Variants in PIEZO2 observed in about 807,000 individuals in gnomAD.
PIEZO2 encodes piezo-type mechanosensitive ion channel component 2.
PIEZO2 carries 172 observed loss-of-function variants against 337.3 expected under a neutral mutation model. The ratio of observed to expected loss-of-function variants is 0.51; its 90% CI spans 0.45 to 0.58. PIEZO2 has a LOEUF of 0.58. Ranked by LOEUF, PIEZO2 falls within the 20% of genes least tolerant of loss-of-function variation. PIEZO2 has a pLI of 0.00. For synonymous variants in PIEZO2, 1,251 were observed against 1,228.5 expected, an observed-to-expected ratio of 1.02 and a Z score of -0.38; for missense variants, 3,028 against 3,391.3, an observed-to-expected ratio of 0.89 and a Z score of 2.66.
In PIEZO2 at chr18:10,862,632, T is replaced by C. The variant is rs1472044999; in HGVS notation, c.493-5421A>G. On this transcript the variant is annotated intron_variant, in intron 5 of 55. Transcript: ENST00000674853. The surrounding 1 kb of genome is among the most constrained non-coding windows in gnomAD (Gnocchi z 4.4). ...CTCTAAAAATCCAACTGGGTTGGAA[T>C]AAATCCTAAGGATCACCTGGGGACC... Among the ~76,000 whole-genome samples the C allele has an allele frequency of 6.6e-6, 1 of 152,206 alleles. No homozygotes were observed. The highest frequency in any genetic ancestry group is 1.5e-5 in the Non-Finnish European group (1 of 68,038).
At chr18:10,874,687 G>A (rs1032084484) in intron 4 of PIEZO2, among the ~76,000 whole-genome samples, 1 of 151,996 alleles carries the variant, frequency 6.6e-6, no homozygotes, top group Admixed American at 6.6e-5. Flanking sequence ...AGAAACTAGA[G>A]GTCATTATTT....
chr18:10,893,828 G>T (rs573499165), intron 4 of PIEZO2, among the ~76,000 whole-genome samples: 3 of 152,254 alleles, frequency 2.0e-5, no homozygotes, highest in South Asian at 2.1e-4. Context: ...AAACACATCT[G>T]TTAAATATTC....
chr18:10,975,564 T>A (rs922249821), intron 3 of PIEZO2, among the ~76,000 whole-genome samples: 11 of 152,112 alleles, frequency 7.2e-5, no homozygotes, highest in Middle Eastern at 3.2e-3. Flanking sequence ...AGTCAAAATC[T>A]AAATAGGGTG....
chr18:10,765,941 C>T (rs1399514659), intron 21 of PIEZO2, among the ~76,000 whole-genome samples: 1 of 152,048 alleles, frequency 6.6e-6, no homozygotes. Flanking sequence ...AGGAGAGCTT[C>T]AATGACAAGG....
At chr18:10,721,982 G>A (rs113818895) in intron 36 of PIEZO2, among the ~76,000 whole-genome samples, 15 of 151,872 alleles carry the variant, frequency 9.9e-5, no homozygotes, top group Middle Eastern at 3.4e-3. Flanking sequence ...GGTGAAACCC[G>A]GTCTCTACGA....
Position 11,001,948 on chromosome 18 carries a change from A to AGGAAGGAG in PIEZO2, c.161-22289_161-22288insCTCCTTCC. ...AAGGAAGGAAGGAAGGAAGGAAGGAAGAAAAAAAGACTTGGAAGGAGCCAA... is the reference window on the plus strand; with the variant it reads ...AAGGAAGGAAGGAAGGAAGGAAGGAAGGAAGGAGGAAAAAAAGACTTGGAAGGAGCCAA... On this transcript the variant is annotated intron_variant, in intron 2 of 55. Coordinates refer to ENST00000674853, the MANE Select transcript of PIEZO2 (RefSeq NM_001378183.1). This position sits in a 1 kb window ranked among gnomAD's most constrained non-coding sequence, Gnocchi z 5.3. Among the ~76,000 whole-genome samples the AGGAAGGAG allele has an allele frequency of 6.7e-6, 1 of 149,644 alleles. No homozygotes were observed. Among genetic ancestry groups the AGGAAGGAG allele is most frequent in the Non-Finnish European group, 1.5e-5 (1 of 67,176 alleles).
At chr18:10,752,906 GACA>G (rs993337207) in intron 27 of PIEZO2, 27 bp from the exon 28 acceptor site, 13 of 1,516,110 alleles carry the variant, frequency 8.6e-6, no homozygotes, top group Middle Eastern at 1.8e-4. Flanking sequence ...GTGACAAAAA[GACA>G]ACAACAACAA....
At chr18:10,844,351 C>T (rs1039567091) in intron 7 of PIEZO2, among the ~76,000 whole-genome samples, 2 of 151,568 alleles carry the variant, frequency 1.3e-5, no homozygotes, top group African/African-American at 2.4e-5. Flanking sequence ...ATCTCGGAGG[C>T]GGGAGTTGCA....
intron 7 of PIEZO2, among the ~76,000 whole-genome samples, chr18:10,812,436 T>C (rs563018263): frequency 2.0e-4 from 31 of 152,122 alleles, no homozygotes; most frequent in Non-Finnish European, 3.5e-4. Flanking sequence ...ACTATACTTA[T>C]TACCTGGGTG....
At chr18:10,874,315 A>G (rs1253961599) in intron 4 of PIEZO2, among the ~76,000 whole-genome samples, 2 of 152,120 alleles carry the variant, frequency 1.3e-5, no homozygotes, top group Non-Finnish European at 2.9e-5. Context: ...GACAAAAAAA[A>G]ATGCTGACAA....
At chr18:10,743,316 T>A (rs1253631840) in intron 31 of PIEZO2, among the ~76,000 whole-genome samples, 2 of 152,184 alleles carry the variant, frequency 1.3e-5, no homozygotes, top group African/African-American at 4.8e-5. Context: ...CTTACAGAAC[T>A]TTCCCAGGGG....
intron 7 of PIEZO2, among the ~76,000 whole-genome samples, chr18:10,825,550 C>CTTTTTTTTTTTTTTTTTTTTT (rs57159292): frequency 3.5e-5 from 4 of 113,860 alleles, no homozygotes; most frequent in Non-Finnish European, 6.9e-5. Context: ...TCCTTTCTTC[C>CTTTTTTTTTTTTTTTTTTTTT]TTTTTTTTTT....
At chr18:10,916,814 T>TG (rs1443133770) in intron 3 of PIEZO2, among the ~76,000 whole-genome samples, 1 of 152,220 alleles carries the variant, frequency 6.6e-6, no homozygotes, top group African/African-American at 2.4e-5. Flanking sequence ...GAGCGATGGC[T>TG]GCCAGCACGC....
chr18:11,094,528 ACT>A lies in PIEZO2; in HGVS notation c.65-28308_65-28307del, dbSNP rs2039205317. On this transcript the variant is annotated intron_variant, in intron 1 of 55. Coordinates refer to ENST00000674853, the MANE Select transcript of PIEZO2 (RefSeq NM_001378183.1). The surrounding 1 kb of genome is among the most constrained non-coding windows in gnomAD (Gnocchi z 4.4). Reference sequence around the variant, plus strand: ...TGAGAGTAACAGCAGCAAGCCAGCAACTCTCCAAAAGCAGTCGCTAATTAATA... The same window carrying A: ...TGAGAGTAACAGCAGCAAGCCAGCAACTCCAAAAGCAGTCGCTAATTAATA... Among the ~76,000 whole-genome samples, 1 of 152,094 alleles carries A rather than the reference ACT, an allele frequency of 6.6e-6. No individual in the cohort carries two copies. The highest frequency in any genetic ancestry group is 1.5e-5 in the Non-Finnish European group (1 of 68,006).
chr18:10,984,541 A>G (rs955990967), intron 2 of PIEZO2, among the ~76,000 whole-genome samples: 4 of 152,114 alleles, frequency 2.6e-5, no homozygotes, highest in Non-Finnish European at 5.9e-5. Context: ...CAGTAGAGGA[A>G]CAAGCACACA....
chr18:10,729,871 G>T (rs571471425), intron 36 of PIEZO2, among the ~76,000 whole-genome samples: 1 of 152,248 alleles, frequency 6.6e-6, no homozygotes, highest in Non-Finnish European at 1.5e-5. Context: ...GCAGTCTGTT[G>T]TTTTTCACTT....
intron 1 of PIEZO2, among the ~76,000 whole-genome samples, chr18:11,119,310 T>G (rs1458231180): frequency 5.3e-5 from 8 of 152,116 alleles, no homozygotes; most frequent in Non-Finnish European, 1.0e-4. Flanking sequence ...CAGCTAATTT[T>G]TGTATTTTTG....
intron 3 of PIEZO2, among the ~76,000 whole-genome samples, chr18:10,978,104 C>T (rs557011426): frequency 7.9e-5 from 12 of 152,184 alleles, no homozygotes; most frequent in South Asian, 6.2e-4. Flanking sequence ...AGGCGGATCA[C>T]GAGGTCAGGA....
chr18:10,697,041 G>C (rs1037492614), intron 45 of PIEZO2, among the ~76,000 whole-genome samples: 1 of 152,134 alleles, frequency 6.6e-6, no homozygotes, highest in Non-Finnish European at 1.5e-5. Flanking sequence ...CAACGCCCCT[G>C]CTCCTCCTGT....
Sources: gnomAD v4.1 joint callset for allele counts (sites outside exome capture counted in the v4.1 genomes callset) on GRCh38, gnomAD v4.1.1 for gene constraint, Gnocchi (gnomAD v3.1) non-coding constraint, MANE v1.5 for transcripts, NCBI Gene and HGNC (gene_info 2026-07-23, HGNC 2026-07-21) for gene names.